Variants in PJA2 observed in about 807,000 individuals in gnomAD.
PJA2 encodes praja ring finger ubiquitin ligase 2.
A neutral mutation model predicts 69.3 loss-of-function variants in PJA2; 25 were observed. That is an observed-to-expected ratio of 0.36 (90% CI 0.26 to 0.50). PJA2 has a LOEUF of 0.50. PJA2 is among the 20% of genes least tolerant of loss of function. PJA2 has a pLI of 0.96. For synonymous variants in PJA2, 308 were observed against 277.8 expected (o/e 1.11, Z -1.08); for missense variants, 809 against 830.2 (o/e 0.97, Z 0.31).
rs112288595 is a variant in PJA2 at position 109,337,155 on chromosome 5, A to C, written c.*76T>G. 7.4e-5 allele frequency: 102 copies of C among 1,371,898 alleles called. No individual in the cohort carries two copies. The highest frequency in any genetic ancestry group is 2.7e-4 in the Middle Eastern group (1 of 3,772). 85.0% of individuals were successfully genotyped at this position (1,371,898 alleles called of 1,614,324 possible). A position where few individuals can be genotyped will look rare whatever the true frequency, so the allele number is the denominator to read the frequency against. ...AGCATTTTTAAATATATTTATATAT[A>C]ATTATTTGCACATGAAATTTAGAAG... On this transcript the variant is annotated 3_prime_UTR_variant, in exon 10 of 10. Coordinates refer to ENST00000361189, the MANE Select transcript of PJA2 (RefSeq NM_014819.5).
intron 2 of PJA2, among the ~76,000 whole-genome samples, chr5:109,382,537 C>T (rs955391756): frequency 1.3e-5 from 2 of 152,248 alleles, no homozygotes; most frequent in East Asian, 3.9e-4. Flanking sequence ...TTTCTCACAG[C>T]ATATGGTATA....
intron 5 of PJA2, among the ~76,000 whole-genome samples, chr5:109,364,129 C>A (rs777238268): frequency 6.6e-6 from 1 of 151,986 alleles, no homozygotes; most frequent in African/African-American, 2.4e-5. Context: ...GGCAACAAAG[C>A]GAGACTGTGT....
chr5:109,368,196 ACTGTCTCCATTT>A (rs1189447846), intron 5 of PJA2, among the ~76,000 whole-genome samples: 1 of 152,168 alleles, frequency 6.6e-6, no homozygotes, highest in East Asian at 1.9e-4. Flanking sequence ...TTTGCAACTA[ACTGTCTCCATTT>A]CTGTGAATGA....
intron 1 of PJA2, among the ~76,000 whole-genome samples, chr5:109,402,462 G>A (rs1403832016): frequency 6.6e-6 from 1 of 152,050 alleles, no homozygotes; most frequent in Non-Finnish European, 1.5e-5. Flanking sequence ...TAATGATTAA[G>A]GGGTTCATTC....
intron 7 of PJA2, among the ~76,000 whole-genome samples, chr5:109,353,340 A>T (rs1022012896): frequency 2.9e-5 from 4 of 140,078 alleles, no homozygotes; most frequent in Admixed American, 2.2e-4. Flanking sequence ...AGATACCTAT[A>T]ATATCATAGA....
chr5:109,395,014 C>G (rs991037074), intron 1 of PJA2, among the ~76,000 whole-genome samples: 1 of 152,122 alleles, frequency 6.6e-6, no homozygotes, highest in African/African-American at 2.4e-5. Context: ...TCTGTATGAG[C>G]CAACAAGCCA....
intron 1 of PJA2, among the ~76,000 whole-genome samples, chr5:109,403,271 C>T (rs375413008): frequency 1.4e-4 from 21 of 152,048 alleles, no homozygotes; most frequent in South Asian, 4.1e-4. Context: ...AAACTACTAA[C>T]GCTCACTTAG....
intron 5 of PJA2, among the ~76,000 whole-genome samples, chr5:109,363,453 C>T (rs1365637866): frequency 6.6e-6 from 1 of 152,206 alleles, no homozygotes; most frequent in Non-Finnish European, 1.5e-5. Flanking sequence ...AACAGCATCT[C>T]TCATCACTCT....
At chr5:109,380,762 G>A (rs976866433) in intron 3 of PJA2, among the ~76,000 whole-genome samples, 10 of 137,438 alleles carry the variant, frequency 7.3e-5, no homozygotes, top group African/African-American at 1.9e-4. Flanking sequence ...CCCAGATCAC[G>A]TCACTGCACA....
At chr5:109,375,996 A>G (rs1470753652) in intron 4 of PJA2, among the ~76,000 whole-genome samples, 2 of 152,202 alleles carry the variant, frequency 1.3e-5, no homozygotes, top group Non-Finnish European at 2.9e-5. Flanking sequence ...ATCGTAAAAC[A>G]TATCTTAAGG....
At chr5:109,389,075 T>C (rs912760029) in intron 1 of PJA2, among the ~76,000 whole-genome samples, 2 of 152,210 alleles carry the variant, frequency 1.3e-5, no homozygotes, top group African/African-American at 4.8e-5. Flanking sequence ...GGATTATTCT[T>C]TTACCTATGT....
rs1305777333 is a variant in PJA2, at chr5:109,383,413, C to T, written c.21G>A (p.Lys7=). Residue 7 remains lysine (K), a synonymous_variant, in exon 2 of 10, where the codon AAG becomes AAA. Coordinates refer to ENST00000361189, the MANE Select transcript of PJA2 (RefSeq NM_014819.5). ...ACTGACTTTCCTTACCTGCTGGCTC[C>T]TTTTCAGTGTACTGTGACATATATG... MSQYTE[K]EPAAMDQESG... 1 of 1,612,922 alleles carries T rather than the reference C, an allele frequency of 6.2e-7. No individual in the cohort carries two copies. Among genetic ancestry groups the T allele is most frequent in the Non-Finnish European group, 8.5e-7 (1 of 1,179,294 alleles).
intron 1 of PJA2, among the ~76,000 whole-genome samples, chr5:109,390,194 A>G (rs1022113696): frequency 1.3e-5 from 2 of 152,010 alleles, no homozygotes; most frequent in African/African-American, 4.8e-5. Context: ...ATGTATTTAA[A>G]ATCTCCAGCT....
At chr5:109,343,396 A>G (rs1018773650) in intron 9 of PJA2, among the ~76,000 whole-genome samples, 25 of 150,912 alleles carry the variant, frequency 1.7e-4, no homozygotes, top group Non-Finnish European at 3.1e-4. Context: ...TAAATATTTG[A>G]AGACAATATA....
rs751368981 is a variant in PJA2, at chr5:109,354,059, A to T, written c.1764+1856T>A. Among the ~76,000 whole-genome samples the T allele has an allele frequency of 2.5e-5, 3 of 120,408 alleles. No homozygotes were observed. In the East Asian group the frequency reaches 6.4e-4, roughly 26 times the overall value. The allele number at this position is 120,408 out of a possible 152,430, so 79.0% of individuals were successfully genotyped here. A position where few individuals can be genotyped will look rare whatever the true frequency, so the allele number is the denominator to read the frequency against. ...GATATCTATAGATTAGATATCTATG[A>T]TATCTAGAGATATCTATAGATTAGA... is the stretch of plus-strand genomic sequence containing the variant. On this transcript the variant is annotated intron_variant, in intron 7 of 9. Coordinates refer to ENST00000361189, the MANE Select transcript of PJA2 (RefSeq NM_014819.5).
intron 7 of PJA2, among the ~76,000 whole-genome samples, chr5:109,346,962 A>T (rs1422869490): frequency 1.3e-5 from 2 of 152,250 alleles, no homozygotes; most frequent in Non-Finnish European, 2.9e-5. Flanking sequence ...GATGGCAAAC[A>T]TAATATTTAT....
intron 6 of PJA2, among the ~76,000 whole-genome samples, chr5:109,362,446 A>G (rs535389860): frequency 6.6e-6 from 1 of 152,352 alleles, no homozygotes; most frequent in South Asian, 2.1e-4. Context: ...AGGGAAGGAG[A>G]ACTATTCTTA....
chr5:109,394,039 CTTTTTTTTTT>C (rs75679188), intron 1 of PJA2, among the ~76,000 whole-genome samples: 13 of 81,880 alleles, frequency 1.6e-4, no homozygotes, highest in African/African-American at 4.4e-4. Context: ...TTCTAATTCT[CTTTTTTTTTT>C]TTTTTTTTTT....
intron 5 of PJA2, among the ~76,000 whole-genome samples, chr5:109,364,650 T>C (rs1762557890): frequency 6.7e-6 from 1 of 149,144 alleles, no homozygotes; most frequent in African/African-American, 2.5e-5. Flanking sequence ...AATTTCAGTG[T>C]CATTCTAAGC....
Sources: allele counts gnomAD v4.1 joint callset (sites outside exome capture counted in the v4.1 genomes callset), GRCh38; gene constraint gnomAD v4.1.1; transcripts MANE v1.5; gene names NCBI Gene and HGNC (gene_info 2026-07-23, HGNC 2026-07-21).